The following LPA variants were observed in gnomAD, a reference collection of about 807,000 sequenced individuals.
LPA encodes the protein lipoprotein(a), also known as apolipoprotein(a).
Under a neutral mutation model 197.9 loss-of-function variants are expected in LPA, and 199 were observed. That is an observed-to-expected ratio of 1.01 (90% CI 0.90 to 1.13). The LOEUF is 1.13. Among genes scored for constraint, LPA ranks in the 50% most tolerant of loss-of-function variants. LPA has a pLI of 0.00. For missense variants in LPA, 1,853 were observed against 1,785.8 expected, an observed-to-expected ratio of 1.04 and a Z score of -0.68; for synonymous variants, 715 against 639.5, an observed-to-expected ratio of 1.12 and a Z score of -1.78.
At chr6:160,580,207 A>T (rs930544881) in intron 26 of LPA, among the ~76,000 whole-genome samples, 3 of 152,336 alleles carry the variant, frequency 2.0e-5, no homozygotes, top group African/African-American at 7.2e-5. Flanking sequence ...GACTATCAGT[A>T]ACTTGTTCCT....
chr6:160,567,993 G>A (rs1337880102), intron 28 of LPA, among the ~76,000 whole-genome samples: 1 of 152,098 alleles, frequency 6.6e-6, no homozygotes, highest in African/African-American at 2.4e-5. Context: ...TGAAATTGAG[G>A]CAATAATTAA....
At position 160,569,884 on chromosome 6, in the gene LPA, G is replaced by A. The variant is rs533714961; in HGVS notation, c.4631+7252C>T. ...ATGCAGTCAAGAGACACATGAAAAA[G>A]TGCTCACCATCACTGGCCATCAGAG... On this transcript the variant is annotated intron_variant, in intron 28 of 38. Transcript: ENST00000316300. Among the ~76,000 whole-genome samples, 345 of 152,218 alleles carry A rather than the reference G, an allele frequency of 2.3e-3. 1 individual carries two copies. The highest frequency in any genetic ancestry group is 7.9e-3 in the African/African-American group (327 of 41,536).
At chr6:160,570,125 C>G (rs1294109732) in intron 28 of LPA, among the ~76,000 whole-genome samples, 1 of 152,154 alleles carries the variant, frequency 6.6e-6, no homozygotes, top group East Asian at 1.9e-4. Context: ...CACAGCCATA[C>G]AATTACTGGA....
Position 160,547,788 on chromosome 6 carries a change from C to T in LPA, c.5304+1G>A, listed in dbSNP as rs1778096215. On this transcript the variant is annotated splice_donor_variant, in intron 32 of 38. Coordinates refer to ENST00000316300, the MANE Select transcript of LPA (RefSeq NM_005577.4). LOFTEE classifies it high-confidence loss of function. ...AAAGAGTCCAAATCAAAGTGGCTTA[C>T]ATTTTTTTCCAGACCTGCCCATTTA... 6.2e-7 allele frequency: 1 copy of T among 1,613,724 alleles called. No individual in the cohort carries two copies. The highest frequency in any genetic ancestry group is 8.5e-7 in the Non-Finnish European group (1 of 1,179,920).
chr6:160,581,056 T>G (rs1778785675), intron 26 of LPA, among the ~76,000 whole-genome samples: 1 of 152,052 alleles, frequency 6.6e-6, no homozygotes, highest in Admixed American at 6.6e-5. Context: ...AGCTGTTACA[T>G]TGAGGTCTAA....
In LPA at chr6:160,578,559, C is replaced by A. The variant is rs1298930718; in HGVS notation, c.4435G>T (p.Ala1479Ser). The A allele has an allele frequency of 9.3e-6, 15 of 1,613,772 alleles. No homozygotes were observed. The highest frequency in any genetic ancestry group is 1.2e-5 in the Non-Finnish European group (14 of 1,179,802). Residue 1479 changes from alanine to serine, a missense_variant, in exon 27 of 39, where the codon GCC (alanine) becomes TCC (serine). This residue lies in a region of LPA where 1,737 missense variants were observed against 1,504.4 expected (regional missense o/e 1.15). Coordinates refer to ENST00000316300, the MANE Select transcript of LPA (RefSeq NM_005577.4). ...GGAGCCTCTGTGCTTGGAACCGGGG[C>A]CACTGTGGGAGTTGTGAGGACACTC... is the stretch of plus-strand genomic sequence containing the variant. ...ESSVLTTPTV[A>S]PVPSTEAPSE...
At chr6:160,615,084 AG>A (rs1779566009) in intron 14 of LPA, among the ~76,000 whole-genome samples, 1 of 110,640 alleles carries the variant, frequency 9.0e-6, no homozygotes, top group Non-Finnish European at 1.8e-5. Context: ...TGATCCCTTG[AG>A]TTTCACGATT....
intron 26 of LPA, 124 bp downstream of exon 26, chr6:160,584,922 C>T (rs1289303688): frequency 2.6e-5 from 26 of 981,156 alleles, no homozygotes; most frequent in Non-Finnish European, 3.6e-5. Flanking sequence ...TTTCCTGAGA[C>T]ATTTTGCTAC....
At chr6:160,606,244 C>T (rs1269993162) in intron 17 of LPA, among the ~76,000 whole-genome samples, 4 of 152,126 alleles carry the variant, frequency 2.6e-5, no homozygotes, top group East Asian at 3.9e-4. Context: ...GTTGTGAAGT[C>T]GATCACCCTG....
At chr6:160,604,740 A>G (rs1779310717) in intron 18 of LPA, among the ~76,000 whole-genome samples, 1 of 152,154 alleles carries the variant, frequency 6.6e-6, no homozygotes, top group Admixed American at 6.5e-5. Context: ...GGCTGCATTG[A>G]ACCTTAGTGG....
chr6:160,634,735 C>G (rs1332925684), intron 7 of LPA, among the ~76,000 whole-genome samples: 3 of 151,886 alleles, frequency 2.0e-5, no homozygotes, highest in African/African-American at 7.3e-5. Flanking sequence ...TTGAAATCTG[C>G]AATGCTGAAG....
chr6:160,564,410 A>C (rs927865946), intron 28 of LPA, among the ~76,000 whole-genome samples: 1 of 152,048 alleles, frequency 6.6e-6, no homozygotes, highest in Non-Finnish European at 1.5e-5. Context: ...TTGGCACTGG[A>C]TGTTTCCTGC....
chr6:160,661,547 G>A (rs1312587009), intron 1 of LPA, among the ~76,000 whole-genome samples: 1 of 152,140 alleles, frequency 6.6e-6, no homozygotes, highest in African/African-American at 2.4e-5. Context: ...GAGGATGCAC[G>A]CTCACTGTTT....
At position 160,586,572 on chromosome 6, in the gene LPA, T is replaced by C. The variant is rs554494790; in HGVS notation, c.4006A>G (p.Thr1336Ala). 1.2e-6 allele frequency: 2 copies of C among 1,613,746 alleles called. No homozygotes were observed. Among genetic ancestry groups the C allele is most frequent in the East Asian group, 2.2e-5 (1 of 44,856 alleles). ...TCCCATCTGACACTGGGATCCATGG[T>C]ATAACACCAAGGGCGAATCTCAGCA... ...PDAEIRPWCY[T>A]MDPSVRWEYC... Residue 1336 changes from threonine to alanine, a missense_variant, in exon 25 of 39, where the codon ACC becomes GCC. This residue lies in a region of LPA where 1,737 missense variants were observed against 1,504.4 expected (regional missense o/e 1.15). Transcript: ENST00000316300.
At chr6:160,554,210 T>C (rs1168711143) in intron 30 of LPA, among the ~76,000 whole-genome samples, 1 of 152,208 alleles carries the variant, frequency 6.6e-6, no homozygotes, top group African/African-American at 2.4e-5. Context: ...AATTATCATA[T>C]ATACAGTTTT....
rs1472058074 is a variant in LPA, at chr6:160,602,418, C to T, written c.2946-1320G>A. Among the ~76,000 whole-genome samples the T allele has an allele frequency of 4.6e-5, 7 of 152,180 alleles. No individual in the cohort carries two copies. The East Asian group carries it at 1.2e-3, about 25-fold the overall frequency. ...ATGGTACACTTCCAATTATTCCCCA[C>T]ATGATTTAGTCTATATGTTCAAATT... On this transcript the variant is annotated intron_variant, in intron 18 of 38. Coordinates refer to ENST00000316300, the MANE Select transcript of LPA (RefSeq NM_005577.4).
intron 1 of LPA, among the ~76,000 whole-genome samples, chr6:160,650,965 T>C (rs1387669483): frequency 6.6e-6 from 1 of 152,088 alleles, no homozygotes; most frequent in Non-Finnish European, 1.5e-5. Flanking sequence ...AGAAAAATGG[T>C]TTTGCATCTA....
chr6:160,548,738 T>C, intron 30 of LPA, 79 bp from the exon 31 acceptor site: 2 of 1,455,252 alleles, frequency 1.4e-6, no homozygotes, highest in Non-Finnish European at 9.6e-7. Context: ...CATTTTGTTC[T>C]AACAAAGTCT....
chr6:160,536,363 G>A (rs999996158), intron 37 of LPA, among the ~76,000 whole-genome samples: 2 of 152,202 alleles, frequency 1.3e-5, no homozygotes. Flanking sequence ...AAAGAATCAT[G>A]TTAGATATAA....
Sources: gnomAD v4.1 joint callset for allele counts (sites outside exome capture counted in the v4.1 genomes callset) on GRCh38, gnomAD v4.1.1 for gene constraint, gnomAD v4.1.1 regional missense constraint, MANE v1.5 for transcripts, NCBI Gene and HGNC (gene_info 2026-07-23, HGNC 2026-07-21) for gene names.